Variants in ADRA1A observed in about 807,000 individuals in gnomAD.
The protein encoded by ADRA1A is alpha-1A adrenergic receptor.
Under a neutral mutation model 29.6 loss-of-function variants are expected in ADRA1A, and 31 were observed. The ratio of observed to expected loss-of-function variants is 1.05; its 90% confidence interval spans 0.79 to 1.41. The LOEUF (loss-of-function observed/expected upper bound fraction) is 1.41. Among genes scored for constraint, ADRA1A ranks in the 40% most tolerant of loss-of-function variants. The probability of loss-of-function intolerance (pLI) is 0.00; values close to 1 mark genes in which losing one functional copy is unlikely to be tolerated. For missense variants in ADRA1A, 619 were observed against 601.1 expected (o/e 1.03, Z -0.31); for synonymous variants, 311 against 254.3 (o/e 1.22, Z -2.12).
chr8:26,860,480 C>T lies in ADRA1A; in HGVS notation c.883+3607G>A, dbSNP rs768773688. 6.6e-6 allele frequency among the ~76,000 whole-genome samples: 1 copy of T among 152,156 alleles called. No homozygotes were observed. The highest frequency in any genetic ancestry group is 1.5e-5 in the Non-Finnish European group (1 of 68,030). ...ACACACAACCCTCCTTCCCGCTGTA[C>T]TTTAATGTTATGACCGTAAATCTCA... On this transcript the variant is annotated intron_variant, in intron 2 of 2. Transcript: ENST00000380573. The surrounding 1 kb of genome is among the most constrained non-coding windows in gnomAD (Gnocchi z 4.7).
chr8:26,780,259 TG>T (rs1798784969), intron 2 of ADRA1A, among the ~76,000 whole-genome samples: 1 of 123,798 alleles, frequency 8.1e-6, no homozygotes, highest in Non-Finnish European at 1.8e-5. Flanking sequence ...CATGCAAAGG[TG>T]TTTACCTTCT....
chr8:26,799,942 A>G lies in ADRA1A; in HGVS notation c.884-29276T>C, dbSNP rs529851955. Among the ~76,000 whole-genome samples the G allele has an allele frequency of 5.9e-5, 9 of 152,318 alleles. No homozygotes were observed. In the South Asian group the frequency reaches 8.3e-4, roughly 14 times the overall value. On this transcript the variant is annotated intron_variant, in intron 2 of 2. Coordinates refer to ENST00000380573, the MANE Select transcript of ADRA1A (RefSeq NM_000680.4). ...AAAATAAAGTTGGAGGAGTTATGTTACTTGACTTCATGATGTATTAAAAAG... is the reference window on the plus strand; with the variant it reads ...AAAATAAAGTTGGAGGAGTTATGTTGCTTGACTTCATGATGTATTAAAAAG...
chr8:26,826,030 T>C (rs1411555082), intron 2 of ADRA1A, among the ~76,000 whole-genome samples: 1 of 152,116 alleles, frequency 6.6e-6, no homozygotes, highest in African/African-American at 2.4e-5. Context: ...ACACAATGAG[T>C]TCATTTTCGT....
At chr8:26,862,715 A>G (rs1813574560) in intron 2 of ADRA1A, among the ~76,000 whole-genome samples, 1 of 152,252 alleles carries the variant, frequency 6.6e-6, no homozygotes, top group Non-Finnish European at 1.5e-5. Flanking sequence ...CAGGACAGAC[A>G]TTTCTGCAAT....
rs986134415 is a variant in ADRA1A at position 26,825,159 on chromosome 8, C to G, written c.883+38928G>C. Reference sequence around the variant, plus strand: ...ACCCCCAGCCCCCACATGTCCCACCCTGAGCTTGCTAGGCCTTCCAGGGCC... The same window carrying G: ...ACCCCCAGCCCCCACATGTCCCACCGTGAGCTTGCTAGGCCTTCCAGGGCC... On this transcript the variant is annotated intron_variant, in intron 2 of 2. Coordinates refer to ENST00000380573, the MANE Select transcript of ADRA1A (RefSeq NM_000680.4). This position sits in a 1 kb window ranked among gnomAD's most constrained non-coding sequence, Gnocchi z 5.7. 6.6e-6 allele frequency among the ~76,000 whole-genome samples: 1 copy of G among 152,170 alleles called. No individual in the cohort carries two copies. The highest frequency in any genetic ancestry group is 1.5e-5 in the Non-Finnish European group (1 of 68,020).
chr8:26,830,814 A>G (rs1200714148), intron 2 of ADRA1A, among the ~76,000 whole-genome samples: 1 of 152,200 alleles, frequency 6.6e-6, no homozygotes, highest in Non-Finnish European at 1.5e-5. Flanking sequence ...CTTTTGGAAT[A>G]TTAAAATTGT....
intron 2 of ADRA1A, among the ~76,000 whole-genome samples, chr8:26,832,145 C>A (rs569033900): frequency 6.6e-6 from 1 of 152,190 alleles, no homozygotes; most frequent in East Asian, 1.9e-4. Context: ...GGAACGAAGT[C>A]TTTGGAGTGG....
chr8:26,864,573 G>C lies in ADRA1A; in HGVS notation c.397C>G (p.Arg133Gly), dbSNP rs968763557. 2.5e-6 allele frequency: 4 copies of C among 1,614,110 alleles called. No homozygotes were observed. Among genetic ancestry groups the C allele is most frequent in the Non-Finnish European group, 3.4e-6 (4 of 1,180,028 alleles). ...DRYIGVSYPL[R>G]YPTIVTQRRG... is the part of the protein sequence containing the mutation. ...CTCTGGGTGACGATGGTTGGGTAGC[G>C]CAGCGGGTAGCTCACGCCGATGTAG... Residue 133 changes from arginine (R) to glycine (G), a missense_variant, in exon 2 of 3, where the codon CGC becomes GGC. By Grantham distance (125) the Arg-to-Gly change is moderately radical. Transcript: ENST00000380573. This position sits in a 1 kb window ranked among gnomAD's most constrained non-coding sequence, Gnocchi z 8.1.
chr8:26,849,156 T>A (rs1812431129), intron 2 of ADRA1A, among the ~76,000 whole-genome samples: 1 of 152,214 alleles, frequency 6.6e-6, no homozygotes, highest in South Asian at 2.1e-4. Context: ...GAAACTATAG[T>A]TTGGTTAGGA....
At chr8:26,858,995 T>C in intron 2 of ADRA1A, 1 of 1,180,228 alleles carries the variant, frequency 8.5e-7, no homozygotes, top group South Asian at 1.7e-5. Context: ...TCTCACAATA[T>C]ACAGGAAGGA....
exon 3 of ADRA1A, chr8:26,756,406 A>G (rs1805169391): frequency 7.6e-7 from 1 of 1,323,640 alleles, no homozygotes; most frequent in Non-Finnish European, 9.8e-7. Flanking sequence ...CTCACACCCT[A>G]CACGTGGCTG....
rs773212128 is a variant in ADRA1A, at chr8:26,814,165, G to A, written c.884-43499C>T. 2.1e-4 allele frequency among the ~76,000 whole-genome samples: 31 copies of A among 151,180 alleles called. No homozygotes were observed. In the Middle Eastern group the frequency reaches 0.01, roughly 50 times the overall value. On this transcript the variant is annotated intron_variant, in intron 2 of 2. Transcript: ENST00000380573. ...TTTTTTTCTTAGCTTTAAAGGAGTG[G>A]TTTTAGTGATTACTATCTCCTATGG...
intron 2 of ADRA1A, among the ~76,000 whole-genome samples, chr8:26,786,351 C>G (rs1314482439): frequency 6.6e-6 from 1 of 152,104 alleles, no homozygotes; most frequent in Non-Finnish European, 1.5e-5. Flanking sequence ...TCTCCTGCCT[C>G]AGCCTCCCGA....
At chr8:26,839,203 G>T (rs1383445163) in intron 2 of ADRA1A, among the ~76,000 whole-genome samples, 5 of 149,318 alleles carry the variant, frequency 3.3e-5, no homozygotes, top group East Asian at 3.9e-4. Flanking sequence ...TCTACGCCCA[G>T]GCTGGAGTGC....
rs554236969 is a variant in ADRA1A at position 26,832,950 on chromosome 8, C to T, written c.883+31137G>A. On this transcript the variant is annotated intron_variant, in intron 2 of 2. Coordinates refer to ENST00000380573, the MANE Select transcript of ADRA1A (RefSeq NM_000680.4). ...CAGTGGGCAGCCACCAGGAGTGAGA[C>T]ACAGTTGGGAGCTGCCAGGCATTGG... Among the ~76,000 whole-genome samples, 25 of 152,328 alleles carry T rather than the reference C, an allele frequency of 1.6e-4. 1 individual carries two copies. In the South Asian group the frequency reaches 5.2e-3, roughly 32 times the overall value.
At chr8:26,770,731 ACAAT>A in intron 2 of ADRA1A, 65 bp from the exon 3 acceptor site, 1 of 1,515,348 alleles carries the variant, frequency 6.6e-7, no homozygotes, top group South Asian at 1.3e-5. Flanking sequence ...GGCTAGGAAA[ACAAT>A]CAAACAGACA....
At chr8:26,772,301 G>A (rs1758384387) in intron 2 of ADRA1A, among the ~76,000 whole-genome samples, 1 of 152,148 alleles carries the variant, frequency 6.6e-6, no homozygotes, top group Admixed American at 6.5e-5. Context: ...AGACTTCCAA[G>A]GGCTTTTGCT....
chr8:26,807,030 T>C (rs570921534), intron 2 of ADRA1A, among the ~76,000 whole-genome samples: 1 of 152,358 alleles, frequency 6.6e-6, no homozygotes, highest in African/African-American at 2.4e-5. Context: ...ACGAGCTTAC[T>C]AAAATTCCAG....
chr8:26,771,000 T>TTTGTCTAATTGAAAA (rs1554491854), intron 2 of ADRA1A, among the ~76,000 whole-genome samples: 1 of 151,920 alleles, frequency 6.6e-6, no homozygotes, highest in Non-Finnish European at 1.5e-5. Context: ...TGTAAATTGT[T>TTTGTCTAATTGAAAA]TTGCCTAAAT....
Sources: allele counts gnomAD v4.1 joint callset (sites outside exome capture counted in the v4.1 genomes callset), GRCh38; gene constraint gnomAD v4.1.1; non-coding constraint Gnocchi (gnomAD v3.1); transcripts MANE v1.5; gene names NCBI Gene and HGNC (gene_info 2026-07-23, HGNC 2026-07-21).